Variants in PLD5 observed in about 807,000 individuals in gnomAD.
The protein encoded by PLD5 is phospholipase D family member 5, also known as inactive phospholipase D5.
Under a neutral mutation model 61.1 loss-of-function variants are expected in PLD5, and 36 were observed. The ratio of observed to expected loss-of-function variants is 0.59; its 90% CI spans 0.45 to 0.78. PLD5 has a LOEUF of 0.78. Among genes scored for constraint, PLD5 ranks in the 30% least tolerant of loss-of-function variants. PLD5 has a pLI of 0.00. For missense variants in PLD5, 515 were observed against 644.4 expected (o/e 0.80, Z 2.17); for synonymous variants, 243 against 242.8 (o/e 1.00, Z -0.01).
intron 5 of PLD5, among the ~76,000 whole-genome samples, chr1:242,138,580 C>A (rs1440072618): frequency 6.6e-6 from 1 of 152,176 alleles, no homozygotes; most frequent in South Asian, 2.1e-4. Flanking sequence ...TTATAAAGGT[C>A]CAATGCGGAA....
intron 4 of PLD5, among the ~76,000 whole-genome samples, chr1:242,241,936 ATATATATATAC>A (rs1467309643): frequency 7.3e-6 from 1 of 137,922 alleles, no homozygotes; most frequent in African/African-American, 2.7e-5. Context: ...ATATACGCTT[ATATATATATAC>A]TACTTATATA....
At chr1:242,128,998 A>G (rs1663023886) in intron 5 of PLD5, among the ~76,000 whole-genome samples, 1 of 152,180 alleles carries the variant, frequency 6.6e-6, no homozygotes. Flanking sequence ...ATTCTGAGTG[A>G]TGTTTGTCCC....
At chr1:242,525,909 C>G (rs562706556), upstream of PLD5, among the ~76,000 whole-genome samples, 1 of 152,172 alleles carries the variant, frequency 6.6e-6, no homozygotes, top group South Asian at 2.1e-4. Context: ...AACAACTAAA[C>G]ACAAATACAC....
chr1:242,111,555 T>C (rs189873062), intron 7 of PLD5, among the ~76,000 whole-genome samples: 36 of 152,298 alleles, frequency 2.4e-4, no homozygotes, highest in African/African-American at 8.7e-4. Flanking sequence ...TGGCAATGTA[T>C]AGACTAAAAG....
chr1:242,422,236 G>A (rs1208073919), intron 1 of PLD5, among the ~76,000 whole-genome samples: 4 of 152,100 alleles, frequency 2.6e-5, no homozygotes, highest in South Asian at 4.2e-4. Flanking sequence ...AGAAGGGAAC[G>A]AGAACATCTG....
intron 3 of PLD5, among the ~76,000 whole-genome samples, chr1:242,270,636 A>G (rs1323122053): frequency 2.0e-5 from 3 of 152,190 alleles, no homozygotes; most frequent in African/African-American, 7.2e-5. Flanking sequence ...GGGACACTCA[A>G]TTACCAGCAG....
At chr1:242,300,370 G>T (rs1305419164) in intron 2 of PLD5, among the ~76,000 whole-genome samples, 3 of 152,220 alleles carry the variant, frequency 2.0e-5, no homozygotes, top group African/African-American at 7.2e-5. Context: ...TTTGAACCTG[G>T]GAGGCAGAGG....
intron 2 of PLD5, among the ~76,000 whole-genome samples, chr1:242,344,081 C>T (rs1252063952): frequency 6.6e-6 from 1 of 152,164 alleles, no homozygotes; most frequent in Non-Finnish European, 1.5e-5. Context: ...TAGTAACAAT[C>T]CAGGAAGCTA....
chr1:242,454,097 A>G (rs1331510968), intron 1 of PLD5, among the ~76,000 whole-genome samples: 2 of 152,174 alleles, frequency 1.3e-5, no homozygotes, highest in East Asian at 3.9e-4. Context: ...TGGGAGGCCA[A>G]GGTGGGCAGA....
At chr1:242,096,462 C>T (rs917560585) in intron 9 of PLD5, among the ~76,000 whole-genome samples, 2 of 152,122 alleles carry the variant, frequency 1.3e-5, no homozygotes, top group African/African-American at 4.8e-5. Context: ...CTGCCTCAGC[C>T]TCCCTAGTAG....
chr1:242,297,801 G>A (rs1318419066), intron 2 of PLD5, among the ~76,000 whole-genome samples: 14 of 150,592 alleles, frequency 9.3e-5, no homozygotes, highest in South Asian at 2.1e-4. Flanking sequence ...CACCGCGCCC[G>A]GCTAATTTTT....
At chr1:242,202,230 A>G (rs1190509723) in intron 5 of PLD5, among the ~76,000 whole-genome samples, 1 of 151,398 alleles carries the variant, frequency 6.6e-6, no homozygotes, top group East Asian at 1.9e-4. Context: ...CAAAAACAAA[A>G]ACAAAACAAA....
At chr1:242,207,083 C>T (rs557334799) in intron 5 of PLD5, among the ~76,000 whole-genome samples, 2 of 152,232 alleles carry the variant, frequency 1.3e-5, no homozygotes, top group African/African-American at 4.8e-5. Context: ...TGGATGAAGC[C>T]TACACACAAT....
At chr1:242,511,701 T>G (rs1572270524) in intron 1 of PLD5, among the ~76,000 whole-genome samples, 1 of 152,074 alleles carries the variant, frequency 6.6e-6, no homozygotes, top group African/African-American at 2.4e-5. Flanking sequence ...GAAACTGTCA[T>G]GGACAAGAGG....
intron 5 of PLD5, among the ~76,000 whole-genome samples, chr1:242,141,987 C>T (rs747469882): frequency 6.6e-6 from 1 of 152,170 alleles, no homozygotes; most frequent in Non-Finnish European, 1.5e-5. Flanking sequence ...ATTGACAGCT[C>T]ATCCACTCAT....
At chr1:242,228,112 T>C (rs945269897) in intron 4 of PLD5, among the ~76,000 whole-genome samples, 1 of 152,206 alleles carries the variant, frequency 6.6e-6, no homozygotes, top group Non-Finnish European at 1.5e-5. Flanking sequence ...CATTTACACA[T>C]TACACTTGCA....
chr1:242,234,285 T>C (rs1173906773), intron 4 of PLD5, among the ~76,000 whole-genome samples: 2 of 152,146 alleles, frequency 1.3e-5, no homozygotes, highest in African/African-American at 4.8e-5. Context: ...CAACCGTGCA[T>C]TGAATGCCTC....
intron 1 of PLD5, among the ~76,000 whole-genome samples, chr1:242,373,677 A>G (rs560457623): frequency 1.1e-3 from 171 of 152,278 alleles, no homozygotes; most frequent in African/African-American, 3.9e-3. Flanking sequence ...GGAAATCATC[A>G]TTCTCAGCAA....
At chr1:242,264,245 C>T (rs189681732) in intron 4 of PLD5, among the ~76,000 whole-genome samples, 1 of 152,174 alleles carries the variant, frequency 6.6e-6, no homozygotes, top group African/African-American at 2.4e-5. Context: ...GAACTGGGCA[C>T]TTACAAGTTT....
Sources: allele counts gnomAD v4.1 joint callset (sites outside exome capture counted in the v4.1 genomes callset), GRCh38; gene constraint gnomAD v4.1.1; transcripts MANE v1.5; gene names NCBI Gene and HGNC (gene_info 2026-07-23, HGNC 2026-07-21).